Variants in FHAD1 observed in about 807,000 individuals in gnomAD.
The protein encoded by FHAD1 is forkhead-associated domain-containing protein 1.
In FHAD1, 146 loss-of-function variants were observed where a neutral mutation model predicts 191.3. That is an observed-to-expected ratio of 0.76 (90% CI 0.67 to 0.88). FHAD1 has a LOEUF of 0.88. FHAD1 is among the 40% of genes least tolerant of loss of function. FHAD1 has a pLI of 0.00. For synonymous variants in FHAD1, 616 were observed against 672.3 expected (o/e 0.92, Z 1.29); for missense variants, 1,635 against 1,785.8 (o/e 0.92, Z 1.52).
chr1:15,351,830 G>T (rs961313748), intron 19 of FHAD1, among the ~76,000 whole-genome samples: 5 of 151,768 alleles, frequency 3.3e-5, no homozygotes, highest in Admixed American at 3.3e-4. Flanking sequence ...GTGGTTGAGG[G>T]GGGTGCCTGG....
intron 5 of FHAD1, among the ~76,000 whole-genome samples, chr1:15,299,574 A>G (rs1256183337): frequency 1.3e-5 from 2 of 152,208 alleles, no homozygotes; most frequent in Non-Finnish European, 2.9e-5. Flanking sequence ...GACAGGAAGG[A>G]TCAGGGCACA....
intron 21 of FHAD1, among the ~76,000 whole-genome samples, chr1:15,359,722 G>A (rs1231749582): frequency 6.6e-6 from 1 of 151,948 alleles, no homozygotes; most frequent in African/African-American, 2.4e-5. Context: ...AGGCCGAGGC[G>A]GGCGGATCAT....
At chr1:15,254,820 C>T (rs1050498404) in intron 2 of FHAD1, among the ~76,000 whole-genome samples, 6 of 152,180 alleles carry the variant, frequency 3.9e-5, no homozygotes, top group African/African-American at 1.4e-4. Context: ...TTAGACAAAT[C>T]CTCTTCCGAA....
chr1:15,301,199 AC>A lies in FHAD1; in HGVS notation c.679-3del. 1 of 1,550,870 alleles carries A rather than the reference AC, an allele frequency of 6.4e-7. No individual in the cohort carries two copies. The highest frequency in any genetic ancestry group is 8.7e-7 in the Non-Finnish European group (1 of 1,146,576). ...CTAGTAAGCCTCCCATCTGATCTCT[AC>A]CCAGGATGAAATAATTCTGCTGCTG... On this transcript the variant is annotated splice_region_variant and splice_polypyrimidine_tract_variant and intron_variant, in intron 5 of 33. Coordinates refer to ENST00000688493, the MANE Select transcript of FHAD1 (RefSeq NM_001391957.1).
At chr1:15,256,077 G>A (rs1338325517) in intron 2 of FHAD1, among the ~76,000 whole-genome samples, 1 of 152,206 alleles carries the variant, frequency 6.6e-6, no homozygotes, top group Non-Finnish European at 1.5e-5. Context: ...TCATTTCAGA[G>A]CTAAACCTTC....
chr1:15,386,686 C>G (rs113923268), intron 31 of FHAD1, among the ~76,000 whole-genome samples: 1 of 152,214 alleles, frequency 6.6e-6, no homozygotes, highest in Non-Finnish European at 1.5e-5. Flanking sequence ...AGCCCCTAAC[C>G]TTGCCTCTGC....
rs888919205 is a variant in FHAD1 at position 15,337,516 on chromosome 1, T to A, written c.1907-1965T>A. Among the ~76,000 whole-genome samples the A allele has an allele frequency of 4.6e-5, 7 of 152,186 alleles. No individual in the cohort carries two copies. The South Asian group carries it at 1.2e-3, about 27-fold the overall frequency. Reference sequence around the variant, plus strand: ...GGAGGGGAGCTTATCACAGGCAACATCCAGGATCGTCTGGCGACATTTTTG... The same window carrying A: ...GGAGGGGAGCTTATCACAGGCAACAACCAGGATCGTCTGGCGACATTTTTG... On this transcript the variant is annotated intron_variant, in intron 14 of 33. Transcript: ENST00000688493.
chr1:15,352,303 C>T (rs984527236), intron 19 of FHAD1, among the ~76,000 whole-genome samples: 3 of 152,158 alleles, frequency 2.0e-5, no homozygotes, highest in Admixed American at 1.3e-4. Flanking sequence ...CCTCCCAGGG[C>T]GTGTACAGGT....
intron 33 of FHAD1, among the ~76,000 whole-genome samples, chr1:15,394,428 CT>C (rs1705245545): frequency 6.6e-6 from 1 of 152,164 alleles, no homozygotes; most frequent in Non-Finnish European, 1.5e-5. Context: ...GGGGGGAAGG[CT>C]TTTGAGTTTG....
chr1:15,263,711 C>T (rs903750584), intron 2 of FHAD1, among the ~76,000 whole-genome samples: 4 of 151,560 alleles, frequency 2.6e-5, no homozygotes, highest in African/African-American at 9.7e-5. Context: ...TTAGTAGAGG[C>T]GGGGTTTCAT....
intron 31 of FHAD1, among the ~76,000 whole-genome samples, chr1:15,386,231 T>C (rs1702058303): frequency 6.6e-6 from 1 of 152,202 alleles, no homozygotes; most frequent in Non-Finnish European, 1.5e-5. Flanking sequence ...GCTCAGTTAC[T>C]CGGTTACTGT....
At chr1:15,270,879 C>T (rs1320200054) in intron 2 of FHAD1, among the ~76,000 whole-genome samples, 1 of 152,010 alleles carries the variant, frequency 6.6e-6, no homozygotes, top group Non-Finnish European at 1.5e-5. Flanking sequence ...GTCTCTCATG[C>T]CTGTGATCCC....
intron 3 of FHAD1, 23 bp downstream of exon 3, chr1:15,272,552 T>G: frequency 6.5e-7 from 1 of 1,531,148 alleles, no homozygotes; most frequent in Non-Finnish European, 8.8e-7. Context: ...CACTGGGGGA[T>G]AGAGGGGCCA....
chr1:15,347,487 T>C (rs1003004138), intron 18 of FHAD1, among the ~76,000 whole-genome samples: 9 of 152,194 alleles, frequency 5.9e-5, no homozygotes, highest in Non-Finnish European at 1.3e-4. Context: ...TTTTTTTCTG[T>C]CTCCCAGGCT....
chr1:15,398,439 C>A (rs887704248), downstream of FHAD1, among the ~76,000 whole-genome samples: 8 of 152,098 alleles, frequency 5.3e-5, no homozygotes, highest in African/African-American at 1.9e-4. Flanking sequence ...GTATTAGATT[C>A]CCCATTTGAC....
At chr1:15,379,554 C>G (rs923318581) in intron 28 of FHAD1, among the ~76,000 whole-genome samples, 2 of 152,218 alleles carry the variant, frequency 1.3e-5, no homozygotes, top group African/African-American at 4.8e-5. Flanking sequence ...TCCTCCTCAG[C>G]ACAGACCCTT....
At chr1:15,321,703 T>C (rs1008378163) in intron 10 of FHAD1, among the ~76,000 whole-genome samples, 2 of 152,278 alleles carry the variant, frequency 1.3e-5, no homozygotes, top group African/African-American at 4.8e-5. Context: ...TCCTTCAGCA[T>C]GGCTCTGCTG....
chr1:15,316,452 A>C lies in FHAD1; in HGVS notation c.1245A>C (p.Leu415Phe). The C allele has an allele frequency of 6.4e-7, 1 of 1,551,716 alleles. No individual in the cohort carries two copies. Among genetic ancestry groups the C allele is most frequent in the Non-Finnish European group, 8.7e-7 (1 of 1,146,984 alleles). ...RELREAQEKELKLCKTQIQDM... is the reference protein window; with the variant it reads ...RELREAQEKEFKLCKTQIQDM... ...TCAGGGAAGCCCAGGAGAAAGAGTTAAAACTCTGCAAAACCGTGAGTTGAG... is the reference window on the plus strand; with the variant it reads ...TCAGGGAAGCCCAGGAGAAAGAGTTCAAACTCTGCAAAACCGTGAGTTGAG... The change falls in exon 9 of 34, where the codon TTA (leucine) becomes TTC (phenylalanine). Residue 415 changes from leucine to phenylalanine, a missense_variant. Transcript: ENST00000688493. The surrounding 1 kb of genome is among the most constrained non-coding windows in gnomAD (Gnocchi z 4.3).
chr1:15,239,204 GC>G (rs890832561), intron 1 of FHAD1, among the ~76,000 whole-genome samples: 1 of 152,174 alleles, frequency 6.6e-6, no homozygotes, highest in Admixed American at 6.5e-5. Flanking sequence ...ACCATGCTCA[GC>G]CCCTAAACTC....
Sources: allele counts gnomAD v4.1 joint callset (sites outside exome capture counted in the v4.1 genomes callset), GRCh38; gene constraint gnomAD v4.1.1; non-coding constraint Gnocchi (gnomAD v3.1); transcripts MANE v1.5; gene names NCBI Gene and HGNC (gene_info 2026-07-23, HGNC 2026-07-21).